The following UGT8 variants were observed in gnomAD, a reference collection of about 807,000 sequenced individuals.
UGT8 encodes UDP glycosyltransferase 8.
In UGT8, 12 loss-of-function variants were observed where a neutral mutation model predicts 40.5. That is an observed-to-expected ratio of 0.30 (90% CI 0.19 to 0.48). The LOEUF is 0.48. Among genes scored for constraint, UGT8 ranks in the 20% least tolerant of loss-of-function variants. The pLI, the probability that UGT8 is intolerant of heterozygous loss-of-function variation, is 0.99. For synonymous variants in UGT8, 224 were observed against 240.4 expected, an observed-to-expected ratio of 0.93 and a Z score of 0.63; for missense variants, 513 against 648.7, an observed-to-expected ratio of 0.79 and a Z score of 2.27.
chr4:114,646,511 G>GA (rs1233465114), intron 2 of UGT8, among the ~76,000 whole-genome samples: 1 of 151,950 alleles, frequency 6.6e-6, no homozygotes, highest in Non-Finnish European at 1.5e-5. Context: ...CTGTTTTAAT[G>GA]AAAAAAATTA....
At chr4:114,611,213 A>G (rs1731016109) in intron 1 of UGT8, among the ~76,000 whole-genome samples, 2 of 151,906 alleles carry the variant, frequency 1.3e-5, no homozygotes, top group Non-Finnish European at 2.9e-5. Context: ...TCTCAGTTGT[A>G]TGATTTGTGA....
Position 114,676,952 on chromosome 4 carries a change from G to C in UGT8, c.*664G>C, listed in dbSNP as rs1034703022. The C allele has an allele frequency of 6.6e-6, 1 of 150,582 alleles. No individual in the cohort carries two copies. Among genetic ancestry groups the C allele is most frequent in the African/African-American group, 2.4e-5 (1 of 40,896 alleles). 9.3% of individuals were successfully genotyped at this position (150,582 alleles called of 1,614,324 possible). Reference sequence around the variant, plus strand: ...TTTGTATTGTTTTTCTTTTCTGATAGAGTATGGCCACTTCTGGGGGAAAAA... The same window carrying C: ...TTTGTATTGTTTTTCTTTTCTGATACAGTATGGCCACTTCTGGGGGAAAAA... On this transcript the variant is annotated 3_prime_UTR_variant, in exon 6 of 6. Coordinates refer to ENST00000310836, the MANE Select transcript of UGT8 (RefSeq NM_001128174.3).
At chr4:114,620,924 G>T (rs938849567) in intron 1 of UGT8, among the ~76,000 whole-genome samples, 3 of 152,164 alleles carry the variant, frequency 2.0e-5, no homozygotes, top group African/African-American at 7.2e-5. Flanking sequence ...TTGGTTATAT[G>T]TGTGTTGGTG....
At chr4:114,603,580 T>G (rs1730564753) in intron 1 of UGT8, among the ~76,000 whole-genome samples, 1 of 152,016 alleles carries the variant, frequency 6.6e-6, no homozygotes, top group Admixed American at 6.6e-5. Flanking sequence ...AGCTGAAAAC[T>G]GAGAAAATTT....
In UGT8 at chr4:114,676,661, GTGTT is replaced by G. The variant is rs1270354032; in HGVS notation, c.*377_*380del. ...TGTGTATGTGTGTGTGTGTGTGTGT[GTGTT>G]TGTGTGTGTGTGTGTGTGTCCTAAT... On this transcript the variant is annotated 3_prime_UTR_variant, in exon 6 of 6. Coordinates refer to ENST00000310836, the MANE Select transcript of UGT8 (RefSeq NM_001128174.3). 4.7e-3 allele frequency: 786 copies of G among 168,414 alleles called. 10 individuals carry two copies. Among genetic ancestry groups the G allele is most frequent in the African/African-American group, 0.018 (752 of 41,492 alleles). 10.4% of individuals were successfully genotyped at this position (168,414 alleles called of 1,614,324 possible).
At chr4:114,605,875 C>A (rs1255081527) in intron 1 of UGT8, among the ~76,000 whole-genome samples, 1 of 151,948 alleles carries the variant, frequency 6.6e-6, no homozygotes, top group East Asian at 1.9e-4. Context: ...TTATGTTAAT[C>A]TTTATATTTT....
Position 114,623,151 on chromosome 4 carries a change from C to T in UGT8, c.271C>T (p.Arg91Trp), listed in dbSNP as rs370438338. The T allele has an allele frequency of 2.9e-5, 46 of 1,613,890 alleles. No homozygotes were observed. Among genetic ancestry groups the T allele is most frequent in the Admixed American group, 1.7e-4 (10 of 59,982 alleles). Residue 91 changes from arginine (R) to tryptophan (W), a missense_variant, in exon 2 of 6, where the codon CGG (arginine) becomes TGG (tryptophan). Arg to Trp is a moderately radical substitution (Grantham distance 101). Coordinates refer to ENST00000310836, the MANE Select transcript of UGT8 (RefSeq NM_001128174.3). ...TSDAFLQSKM[R>W]NIFSGRLTAI... ...AGATGCTTTCCTACAGTCCAAGATG[C>T]GGAATATTTTCTCTGGGAGATTGAC...
chr4:114,658,084 C>T (rs1734294920), intron 2 of UGT8, among the ~76,000 whole-genome samples: 1 of 152,148 alleles, frequency 6.6e-6, no homozygotes, highest in South Asian at 2.1e-4. Context: ...AGTCAGAGAT[C>T]ACATTTGATA....
rs370915762 is a variant in UGT8, at chr4:114,653,243, A to G, written c.823-10752A>G. Among the ~76,000 whole-genome samples the G allele has an allele frequency of 2.0e-5, 3 of 152,240 alleles. No homozygotes were observed. The East Asian group carries it at 5.8e-4, about 29-fold the overall frequency. On this transcript the variant is annotated intron_variant, in intron 2 of 5. Transcript: ENST00000310836. ...CATATATGCTATTCATGCTCATAAG[A>G]TAGAAACACTAGAGCTAATGAAAAT... is the stretch of plus-strand genomic sequence containing the variant.
chr4:114,651,261 A>G (rs1733880927), intron 2 of UGT8, among the ~76,000 whole-genome samples: 1 of 152,150 alleles, frequency 6.6e-6, no homozygotes, highest in South Asian at 2.1e-4. Flanking sequence ...TACATAGTAA[A>G]ATAAAGTACA....
chr4:114,653,008 C>T (rs1172469059), intron 2 of UGT8, among the ~76,000 whole-genome samples: 2 of 151,944 alleles, frequency 1.3e-5, no homozygotes, highest in Non-Finnish European at 2.9e-5. Context: ...TTGAGATGAC[C>T]AAGCCACTCA....
chr4:114,663,701 A>T, intron 2 of UGT8: 1 of 985,030 alleles, frequency 1.0e-6, no homozygotes, highest in Non-Finnish European at 1.2e-6. Context: ...ATCAGTTGTC[A>T]TTTCCAATTT....
intron 2 of UGT8, among the ~76,000 whole-genome samples, chr4:114,650,549 T>C (rs10021210): frequency 0.87 from 132,629 of 152,190 alleles, 59,821 homozygotes; most frequent in East Asian, 1. Context: ...TCAATTTTTA[T>C]TTAAAGTATA....
intron 1 of UGT8, among the ~76,000 whole-genome samples, chr4:114,601,244 T>C (rs925357257): frequency 1.3e-5 from 2 of 152,208 alleles, no homozygotes; most frequent in Non-Finnish European, 2.9e-5. Context: ...TTTTGACAGT[T>C]TACATTTCCC....
intron 2 of UGT8, among the ~76,000 whole-genome samples, chr4:114,625,539 T>C (rs1244602925): frequency 4.6e-5 from 6 of 129,248 alleles, no homozygotes; most frequent in East Asian, 5.0e-4. Context: ...AAAAAAGGAA[T>C]GTCCTGTCCT....
intron 1 of UGT8, among the ~76,000 whole-genome samples, chr4:114,617,441 C>G (rs764907844): frequency 6.6e-6 from 1 of 152,156 alleles, no homozygotes; most frequent in Non-Finnish European, 1.5e-5. Context: ...TTGGCTTCCT[C>G]TCTTGAAAGC....
intron 2 of UGT8, among the ~76,000 whole-genome samples, chr4:114,632,341 G>T (rs1732630829): frequency 6.6e-6 from 1 of 152,084 alleles, no homozygotes; most frequent in African/African-American, 2.4e-5. Context: ...CTATAAAAGT[G>T]GTCATTTACA....
intron 2 of UGT8, among the ~76,000 whole-genome samples, chr4:114,657,027 A>C (rs1054559866): frequency 8.5e-5 from 13 of 152,164 alleles, no homozygotes; most frequent in Admixed American, 6.5e-4. Context: ...CAAGTCCATT[A>C]ATCAAATTTC....
intron 2 of UGT8, among the ~76,000 whole-genome samples, chr4:114,631,465 C>T (rs949387513): frequency 1.8e-4 from 27 of 152,166 alleles, no homozygotes; most frequent in African/African-American, 4.8e-4. Context: ...CCAGCCTGGG[C>T]GACAGAGTGA....
Sources: allele counts gnomAD v4.1 joint callset (sites outside exome capture counted in the v4.1 genomes callset), GRCh38; gene constraint gnomAD v4.1.1; transcripts MANE v1.5; gene names NCBI Gene and HGNC (gene_info 2026-07-23, HGNC 2026-07-21).